The following SCD5 variants were observed in gnomAD, a reference collection of about 807,000 sequenced individuals.
SCD5 encodes acyl-CoA-desaturase 4.
SCD5 carries 20 observed loss-of-function variants against 30.4 expected under a neutral mutation model. The ratio of observed to expected loss-of-function variants is 0.66; its 90% CI spans 0.46 to 0.96. SCD5 has a LOEUF of 0.96. Ranked by LOEUF, SCD5 falls within the 40% of genes least tolerant of loss-of-function variation. The pLI, the probability that SCD5 is intolerant of heterozygous loss-of-function variation, is 0.00. For missense variants in SCD5, 381 were observed against 443.3 expected (o/e 0.86, Z 1.26); for synonymous variants, 173 against 176.4 (o/e 0.98, Z 0.16).
intron 2 of SCD5, among the ~76,000 whole-genome samples, chr4:82,701,722 C>T (rs1045033343): frequency 2.0e-5 from 3 of 152,120 alleles, no homozygotes; most frequent in Non-Finnish European, 2.9e-5. Context: ...TCTCTTCCAG[C>T]TCTCAATCCA....
intron 1 of SCD5, among the ~76,000 whole-genome samples, chr4:82,769,042 G>C (rs907756335): frequency 5.9e-5 from 9 of 152,002 alleles, no homozygotes; most frequent in Non-Finnish European, 1.3e-4. Context: ...ACGGGGGCTG[G>C]AGGTTGGAGG....
At chr4:82,724,652 T>C (rs1720434622) in intron 1 of SCD5, among the ~76,000 whole-genome samples, 1 of 152,236 alleles carries the variant, frequency 6.6e-6, no homozygotes, top group Non-Finnish European at 1.5e-5. Context: ...TCCCTAATGC[T>C]TTCTGAGTCT....
At chr4:82,654,985 A>G (rs1727840716) in intron 3 of SCD5, among the ~76,000 whole-genome samples, 1 of 152,248 alleles carries the variant, frequency 6.6e-6, no homozygotes, top group Admixed American at 6.5e-5. Flanking sequence ...CTGAAGAATG[A>G]GAGCCGTCAA....
chr4:82,706,434 A>C (rs1264060165), intron 1 of SCD5, among the ~76,000 whole-genome samples: 2 of 152,246 alleles, frequency 1.3e-5, no homozygotes, highest in Non-Finnish European at 2.9e-5. Context: ...GATCACTTGC[A>C]TGGTTGTCTG....
chr4:82,651,118 T>C (rs959690915), intron 3 of SCD5, among the ~76,000 whole-genome samples: 2 of 152,156 alleles, frequency 1.3e-5, no homozygotes, highest in Non-Finnish European at 2.9e-5. Context: ...TTGAAGTCTA[T>C]GAAGAAAGTC....
rs115112171 is a variant in SCD5, at chr4:82,757,986, G to T, written c.232+40320C>A. ...TGGCTGCTCTGGAGAAGTCAAAAAA[G>T]TAAACAACAGAAAACAGATCAGCTG... On this transcript the variant is annotated intron_variant, in intron 1 of 4. Transcript: ENST00000319540. 6.7e-3 allele frequency among the ~76,000 whole-genome samples: 1,028 copies of T among 152,316 alleles called. 13 individuals are homozygous for T. The highest frequency in any genetic ancestry group is 0.034 in the Middle Eastern group (10 of 294).
intron 1 of SCD5, among the ~76,000 whole-genome samples, chr4:82,718,272 G>C (rs1383092347): frequency 1.3e-5 from 2 of 151,786 alleles, no homozygotes; most frequent in African/African-American, 4.9e-5. Flanking sequence ...TCTATGGAGA[G>C]AGGCCCTAGG....
Position 82,649,621 on chromosome 4 carries a change from T to A in SCD5, c.570-12798A>T, listed in dbSNP as rs146820438. Among the ~76,000 whole-genome samples, 728 of 152,216 alleles carry A rather than the reference T, an allele frequency of 4.8e-3. 7 individuals are homozygous for A. The highest frequency in any genetic ancestry group is 0.014 in the Middle Eastern group (4 of 294). ...GAGACTACCTTTATCATGTCTTCCATGCAAGGGGCTGTCAGGGTGTCCAAA... is the reference window on the plus strand; with the variant it reads ...GAGACTACCTTTATCATGTCTTCCAAGCAAGGGGCTGTCAGGGTGTCCAAA... On this transcript the variant is annotated intron_variant, in intron 3 of 4. Transcript: ENST00000319540.
intron 1 of SCD5, among the ~76,000 whole-genome samples, chr4:82,721,678 C>G (rs926229961): frequency 1.1e-4 from 16 of 152,164 alleles, no homozygotes; most frequent in Non-Finnish European, 2.1e-4. Flanking sequence ...AGGAGAGAGG[C>G]CTGGAACAAA....
At position 82,646,140 on chromosome 4, in the gene SCD5, T is replaced by C. The variant is rs77640764; in HGVS notation, c.570-9317A>G. On this transcript the variant is annotated intron_variant, in intron 3 of 4. Transcript: ENST00000319540. ...TTACAGCCCCACAAATGCACTGTAA[T>C]GATGAGTGATGAGCTGTTCCTGGCA... is the stretch of plus-strand genomic sequence containing the variant. 3.9e-4 allele frequency among the ~76,000 whole-genome samples: 60 copies of C among 152,314 alleles called. No homozygotes were observed. The East Asian group carries it at 9.0e-3, about 23-fold the overall frequency.
At chr4:82,780,089 G>A (rs1054734115) in intron 1 of SCD5, among the ~76,000 whole-genome samples, 9 of 152,234 alleles carry the variant, frequency 5.9e-5, no homozygotes, top group African/African-American at 2.2e-4. Flanking sequence ...TTAGGCCCAT[G>A]CCTGATGCAC....
chr4:82,788,251 G>A (rs1043055807), intron 1 of SCD5, among the ~76,000 whole-genome samples: 2 of 152,154 alleles, frequency 1.3e-5, no homozygotes, highest in Non-Finnish European at 2.9e-5. Context: ...AAGTCACCCA[G>A]TTTGTGGTAC....
chr4:82,770,894 G>T (rs1028747654), intron 1 of SCD5, among the ~76,000 whole-genome samples: 1 of 152,320 alleles, frequency 6.6e-6, no homozygotes, highest in East Asian at 1.9e-4. Flanking sequence ...TCTACACAAC[G>T]GCCCAGATGG....
chr4:82,718,080 T>TAA (rs145494609), intron 1 of SCD5, among the ~76,000 whole-genome samples: 67,016 of 138,792 alleles, frequency 0.48, 16,983 homozygotes, highest in African/African-American at 0.71. Flanking sequence ...ACCTTTTTTT[T>TAA]TTAAAAAAAA....
chr4:82,768,831 A>G (rs1180983478), intron 1 of SCD5, among the ~76,000 whole-genome samples: 1 of 152,168 alleles, frequency 6.6e-6, no homozygotes, highest in East Asian at 1.9e-4. Flanking sequence ...CTTTGAAAGA[A>G]GAGGTGCAGG....
intron 1 of SCD5, among the ~76,000 whole-genome samples, chr4:82,739,656 T>C (rs1003661038): frequency 6.6e-6 from 1 of 152,220 alleles, no homozygotes; most frequent in Non-Finnish European, 1.5e-5. Context: ...AAATGCACTA[T>C]GATTCAGATC....
At chr4:82,691,146 C>T (rs1728826581) in intron 2 of SCD5, among the ~76,000 whole-genome samples, 2 of 152,202 alleles carry the variant, frequency 1.3e-5, no homozygotes, top group African/African-American at 4.8e-5. Flanking sequence ...CTGCCTCAGC[C>T]TCCCGAGTAG....
At position 82,759,123 on chromosome 4, in the gene SCD5, C is replaced by T. The variant is rs1046696645; in HGVS notation, c.232+39183G>A. On this transcript the variant is annotated intron_variant, in intron 1 of 4. Coordinates refer to ENST00000319540, the MANE Select transcript of SCD5 (RefSeq NM_001037582.3). ...AGCACTTCCCTCAACCTGTCTTTTG[C>T]GACTGAGCCTGACTGTGCCTTCTAT... 3.9e-5 allele frequency among the ~76,000 whole-genome samples: 6 copies of T among 152,220 alleles called. No homozygotes were observed. The East Asian group carries it at 5.8e-4, about 15-fold the overall frequency.
intron 2 of SCD5, among the ~76,000 whole-genome samples, chr4:82,687,561 C>T (rs1193448433): frequency 1.3e-5 from 2 of 152,218 alleles, no homozygotes; most frequent in East Asian, 1.9e-4. Context: ...TCTTTATTCT[C>T]GTTAGCAACT....
Sources: gnomAD v4.1 joint callset for allele counts (sites outside exome capture counted in the v4.1 genomes callset) on GRCh38, gnomAD v4.1.1 for gene constraint, MANE v1.5 for transcripts, NCBI Gene and HGNC (gene_info 2026-07-23, HGNC 2026-07-21) for gene names.